Variants in NR6A1 observed in about 807,000 individuals in gnomAD.
The protein encoded by NR6A1 is retinoic acid receptor-related testis-associated receptor.
NR6A1 carries 7 observed loss-of-function variants against 59.1 expected under a neutral mutation model. That is an observed-to-expected ratio of 0.12 (90% CI 0.07 to 0.22). The LOEUF is 0.22. Ranked by LOEUF, NR6A1 falls within the 10% of genes least tolerant of loss-of-function variation. The pLI, the probability that NR6A1 is intolerant of heterozygous loss-of-function variation, is 1.00. For missense variants in NR6A1, 468 were observed against 611.6 expected (o/e 0.77, Z 2.48); for synonymous variants, 243 against 236.1 (o/e 1.03, Z -0.27).
At chr9:124,674,576 A>G (rs750787164) in intron 2 of NR6A1, among the ~76,000 whole-genome samples, 2 of 152,336 alleles carry the variant, frequency 1.3e-5, no homozygotes, top group East Asian at 1.9e-4. Context: ...AACCTGGAAC[A>G]TAAGTGCTAT....
chr9:124,634,681 G>C (rs553304822), intron 2 of NR6A1, among the ~76,000 whole-genome samples: 1 of 152,150 alleles, frequency 6.6e-6, no homozygotes, highest in East Asian at 1.9e-4. Context: ...AATTAGCTGG[G>C]CATGGTGGCG....
At chr9:124,713,931 T>TCCA (rs1365225951) in intron 2 of NR6A1, among the ~76,000 whole-genome samples, 4 of 152,200 alleles carry the variant, frequency 2.6e-5, no homozygotes, top group African/African-American at 9.7e-5. Context: ...AAGAGAGACA[T>TCCA]CCATGTATAC....
In NR6A1 at chr9:124,521,973, G is replaced by GT. The variant is rs1227336930; in HGVS notation, c.*731dup. The GT allele has an allele frequency of 6.6e-6, 1 of 152,332 alleles. No individual in the cohort carries two copies. The highest frequency in any genetic ancestry group is 1.5e-5 in the Non-Finnish European group (1 of 68,122). 9.4% of individuals were successfully genotyped at this position (152,332 alleles called of 1,614,324 possible). On this transcript the variant is annotated 3_prime_UTR_variant, in exon 10 of 10. Transcript: ENST00000487099. Reference sequence around the variant, plus strand: ...GGTAGACAATGATGGTGGTGCAGGGGTAAGGGGGGCAGCAAGGTGTGAGAA... The same window carrying GT: ...GGTAGACAATGATGGTGGTGCAGGGGTTAAGGGGGGCAGCAAGGTGTGAGAA...
rs896310859 is a variant in NR6A1, at chr9:124,529,826, C to T, written c.1080-2926G>A. ...CCTGGGAGTGAAGACCACTCCTCATCATAGCACTGTGTTGGATATTTATGT... is the reference window on the plus strand; with the variant it reads ...CCTGGGAGTGAAGACCACTCCTCATTATAGCACTGTGTTGGATATTTATGT... On this transcript the variant is annotated intron_variant, in intron 7 of 9. Transcript: ENST00000487099. Among the ~76,000 whole-genome samples, 4 of 152,020 alleles carry T rather than the reference C, an allele frequency of 2.6e-5. No homozygotes were observed. The South Asian group carries it at 8.3e-4, about 32-fold the overall frequency.
At chr9:124,693,692 C>G (rs773938719) in intron 2 of NR6A1, 2 of 533,740 alleles carry the variant, frequency 3.7e-6, no homozygotes. Context: ...GCAAAGGCAA[C>G]CCCACCAACT....
In NR6A1 at chr9:124,771,266, G is replaced by C; in HGVS notation, c.-147C>G. On this transcript the variant is annotated 5_prime_UTR_variant, in exon 1 of 10. Transcript: ENST00000487099. The stretch of plus-strand genomic sequence containing the variant: ...CTCTCTCTGGGCCCCGAGCCGCCCG[G>C]CTCCGCGCCGCTCCGCGCCCCTCCG... 2.5e-6 allele frequency: 1 copy of C among 401,198 alleles called. No individual in the cohort carries two copies. Among genetic ancestry groups the C allele is most frequent in the Non-Finnish European group, 4.3e-6 (1 of 230,592 alleles). 24.9% of individuals were successfully genotyped at this position (401,198 alleles called of 1,614,324 possible).
chr9:124,753,727 C>A lies in NR6A1; in HGVS notation c.100+17293G>T, dbSNP rs1178567477. On this transcript the variant is annotated intron_variant, in intron 1 of 9. Coordinates refer to ENST00000487099, the MANE Select transcript of NR6A1 (RefSeq NM_033334.4). ...TATTACCAGAAAACCTTTTTAGAGA[C>A]CTCCAGAGAGAGACTTTGGGTAGGG... Among the ~76,000 whole-genome samples the A allele has an allele frequency of 2.0e-5, 3 of 152,164 alleles. No homozygotes were observed. The East Asian group carries it at 5.8e-4, about 29-fold the overall frequency.
At chr9:124,747,365 T>G (rs1309783992) in intron 1 of NR6A1, among the ~76,000 whole-genome samples, 1 of 152,028 alleles carries the variant, frequency 6.6e-6, no homozygotes, top group African/African-American at 2.4e-5. Flanking sequence ...CAGCCTGACA[T>G]GTTCTTTACT....
intron 2 of NR6A1, among the ~76,000 whole-genome samples, chr9:124,560,961 T>C (rs1834069613): frequency 6.6e-6 from 1 of 152,100 alleles, no homozygotes; most frequent in South Asian, 2.1e-4. Flanking sequence ...GGTGGCAATG[T>C]AGAGTTGATC....
At chr9:124,601,342 C>T (rs549047925) in intron 2 of NR6A1, among the ~76,000 whole-genome samples, 3 of 150,692 alleles carry the variant, frequency 2.0e-5, no homozygotes, top group East Asian at 2.0e-4. Flanking sequence ...CCCAACACTT[C>T]GGGAGGCCAA....
intron 1 of NR6A1, among the ~76,000 whole-genome samples, chr9:124,757,345 G>A (rs148936561): frequency 8.7e-4 from 131 of 150,984 alleles, no homozygotes; most frequent in Middle Eastern, 3.4e-3. Flanking sequence ...TACAGCTATC[G>A]AAAGTTTCAA....
intron 2 of NR6A1, among the ~76,000 whole-genome samples, chr9:124,715,542 A>G (rs938057260): frequency 6.6e-6 from 1 of 152,094 alleles, no homozygotes; most frequent in African/African-American, 2.4e-5. Flanking sequence ...TCTCTAAAAA[A>G]CAAAATAAAA....
chr9:124,722,172 A>G (rs904733830), intron 2 of NR6A1, among the ~76,000 whole-genome samples: 3 of 152,222 alleles, frequency 2.0e-5, no homozygotes, highest in Non-Finnish European at 2.9e-5. Flanking sequence ...GAAAAGAACA[A>G]TAAGTGCGTT....
intron 2 of NR6A1, among the ~76,000 whole-genome samples, chr9:124,630,624 G>C (rs1396280484): frequency 7.9e-6 from 1 of 126,942 alleles, no homozygotes; most frequent in Non-Finnish European, 1.6e-5. Context: ...TCCTATTCTT[G>C]TTCTACTATT....
intron 8 of NR6A1, among the ~76,000 whole-genome samples, chr9:124,525,078 A>G (rs555276981): frequency 8.5e-5 from 13 of 152,328 alleles, no homozygotes; most frequent in African/African-American, 2.9e-4. Context: ...AATACAGAGG[A>G]CAGTAAGCAG....
chr9:124,739,650 C>G (rs148684528), intron 1 of NR6A1, among the ~76,000 whole-genome samples: 3 of 152,296 alleles, frequency 2.0e-5, no homozygotes, highest in African/African-American at 7.2e-5. Flanking sequence ...AGAAAATGAT[C>G]ACTGATTCCT....
intron 2 of NR6A1, among the ~76,000 whole-genome samples, chr9:124,643,989 C>T (rs1168866925): frequency 6.6e-6 from 1 of 152,178 alleles, no homozygotes; most frequent in South Asian, 2.1e-4. Flanking sequence ...CAACCTCCAC[C>T]TCCTGGGTTC....
At chr9:124,607,772 C>T (rs1174413422) in intron 2 of NR6A1, among the ~76,000 whole-genome samples, 51 of 152,102 alleles carry the variant, frequency 3.4e-4, no homozygotes, top group Admixed American at 3.1e-3. Context: ...TGGGTGGGCA[C>T]GGTGGCCAAC....
chr9:124,647,369 C>G (rs926484923), intron 2 of NR6A1, among the ~76,000 whole-genome samples: 1 of 152,148 alleles, frequency 6.6e-6, no homozygotes, highest in Non-Finnish European at 1.5e-5. Context: ...GAACAACTAA[C>G]TACATGCCAA....
Sources: allele counts gnomAD v4.1 joint callset (sites outside exome capture counted in the v4.1 genomes callset), GRCh38; gene constraint gnomAD v4.1.1; transcripts MANE v1.5; gene names NCBI Gene and HGNC (gene_info 2026-07-23, HGNC 2026-07-21).